The following PUM2 variants were observed in gnomAD, a reference collection of about 807,000 sequenced individuals.
The protein encoded by PUM2 is pumilio homolog 2.
In PUM2, 57 loss-of-function variants were observed where a neutral mutation model predicts 124.5. The observed-to-expected ratio is 0.46, with a 90% CI of 0.37 to 0.57. The LOEUF (loss-of-function observed/expected upper bound fraction) is 0.57. Ranked by LOEUF, PUM2 falls within the 20% of genes least tolerant of loss-of-function variation. The pLI is 0.00. For missense variants in PUM2, 1,065 were observed against 1,290.6 expected (o/e 0.83, Z 2.68); for synonymous variants, 460 against 446.1 (o/e 1.03, Z -0.39).
intron 10 of PUM2, among the ~76,000 whole-genome samples, chr2:20,286,618 G>A (rs929500778): frequency 2.6e-5 from 4 of 151,898 alleles, no homozygotes; most frequent in Non-Finnish European, 5.9e-5. Context: ...AGTAATTTCC[G>A]GGATAATTAT....
Position 20,251,506 on chromosome 2 carries a change from G to C in PUM2, c.*79C>G. 2.1e-6 allele frequency: 3 copies of C among 1,429,648 alleles called. No individual in the cohort carries two copies. Among genetic ancestry groups the C allele is most frequent in the Non-Finnish European group, 2.8e-6 (3 of 1,059,316 alleles). The allele number at this position is 1,429,648 out of a possible 1,614,324, so 88.6% of individuals were successfully genotyped here. On this transcript the variant is annotated 3_prime_UTR_variant, in exon 21 of 21. Transcript: ENST00000361078. ...AAAAAAAAATTGAAGATTCATAGTTGAGTTGTGTTTTGATAATTCACACAC... is the reference window on the plus strand; with the variant it reads ...AAAAAAAAATTGAAGATTCATAGTTCAGTTGTGTTTTGATAATTCACACAC...
At chr2:20,333,129 A>T (rs1685261010) in intron 1 of PUM2, 1 of 152,188 alleles carries the variant, frequency 6.6e-6, no homozygotes, top group African/African-American at 2.4e-5. Context: ...ATATTAGCTA[A>T]TTTTTCAGTA....
intron 1 of PUM2, chr2:20,332,996 C>G (rs1250380446): frequency 6.6e-6 from 1 of 152,106 alleles, no homozygotes; most frequent in Non-Finnish European, 1.5e-5. Flanking sequence ...AGAAACTTTT[C>G]TTTGGCCAAG....
At position 20,317,416 on chromosome 2, in the gene PUM2, G is replaced by A. The variant is rs1038407037; in HGVS notation, c.160+1121C>T. 1.8e-4 allele frequency among the ~76,000 whole-genome samples: 27 copies of A among 152,150 alleles called. No homozygotes were observed. In the East Asian group the frequency reaches 4.8e-3, roughly 27 times the overall value. On this transcript the variant is annotated intron_variant, in intron 3 of 20. Transcript: ENST00000361078. ...ACAGTCTACTTCCTTCCTGGGTGTG[G>A]CAAATATCTAATAAAGCTAGGCTGA...
At chr2:20,300,601 C>T (rs949489025) in intron 7 of PUM2, among the ~76,000 whole-genome samples, 2 of 152,056 alleles carry the variant, frequency 1.3e-5, no homozygotes, top group African/African-American at 2.4e-5. Context: ...TAAAGCCATT[C>T]GTTGAGTCCT....
At chr2:20,312,536 T>C (rs1420947557) in intron 3 of PUM2, 113 bp from the exon 4 acceptor site, 8 of 982,502 alleles carry the variant, frequency 8.1e-6, no homozygotes, top group Non-Finnish European at 1.2e-5. Flanking sequence ...TTTTGAATGT[T>C]ATTACTATAA....
intron 7 of PUM2, among the ~76,000 whole-genome samples, chr2:20,302,464 T>C (rs183413158): frequency 2.2e-4 from 34 of 152,310 alleles, no homozygotes; most frequent in Admixed American, 1.3e-3. Flanking sequence ...TTTTTCTCAT[T>C]AAAAATTTCA....
At chr2:20,340,965 T>C (rs1469706129) in intron 1 of PUM2, among the ~76,000 whole-genome samples, 1 of 152,218 alleles carries the variant, frequency 6.6e-6, no homozygotes, top group African/African-American at 2.4e-5. Flanking sequence ...GCAAGTGCTT[T>C]CTAGAGTATT....
At chr2:20,287,413 T>C (rs374198094) in intron 10 of PUM2, among the ~76,000 whole-genome samples, 2 of 152,132 alleles carry the variant, frequency 1.3e-5, no homozygotes, top group South Asian at 2.1e-4. Context: ...AGAAGGATAG[T>C]TAATCACAAA....
At chr2:20,339,650 C>T (rs944808212) in intron 1 of PUM2, among the ~76,000 whole-genome samples, 1 of 152,114 alleles carries the variant, frequency 6.6e-6, no homozygotes, top group East Asian at 1.9e-4. Context: ...GAGGCCGAGG[C>T]GGGTGGACCA....
chr2:20,291,741 T>C (rs1312185935), intron 9 of PUM2, among the ~76,000 whole-genome samples: 2 of 152,146 alleles, frequency 1.3e-5, no homozygotes, highest in African/African-American at 4.8e-5. Flanking sequence ...ATGTCTTTTA[T>C]TGCCTCACAT....
intron 13 of PUM2, 90 bp from the exon 14 acceptor site, chr2:20,263,550 G>T: frequency 7.1e-7 from 1 of 1,403,144 alleles, no homozygotes; most frequent in Non-Finnish European, 9.7e-7. Flanking sequence ...AGTCAATAAA[G>T]AAATATTTCC....
chr2:20,307,552 G>C (rs1024388006), intron 7 of PUM2, among the ~76,000 whole-genome samples: 1 of 152,126 alleles, frequency 6.6e-6, no homozygotes, highest in Non-Finnish European at 1.5e-5. Context: ...GGAGGTAGTG[G>C]GGAGACCTAG....
chr2:20,340,230 G>A (rs1686968070), intron 1 of PUM2, among the ~76,000 whole-genome samples: 1 of 152,184 alleles, frequency 6.6e-6, no homozygotes, highest in Non-Finnish European at 1.5e-5. Flanking sequence ...AAATACCAAT[G>A]GAGGTGAAAA....
chr2:20,290,820 C>A lies in PUM2; in HGVS notation c.1153-30G>T, dbSNP rs761080680. The A allele has an allele frequency of 2.7e-6, 4 of 1,500,850 alleles. No individual in the cohort carries two copies. The Admixed American group carries it at 7.0e-5, about 26-fold the overall frequency. The allele number at this position is 1,500,850 out of a possible 1,614,324, so 93.0% of individuals were successfully genotyped here. A position where few individuals can be genotyped will look rare whatever the true frequency, so the allele number is the denominator to read the frequency against. On this transcript the variant is annotated intron_variant, in intron 9 of 20. Transcript: ENST00000361078. ...AAAGGTAAAATGATTTTCTTAAAAT[C>A]AATATAAAATAATAGATAAGTAAAT...
chr2:20,342,569 A>AAAT (rs1343623550), intron 1 of PUM2, among the ~76,000 whole-genome samples: 2 of 152,256 alleles, frequency 1.3e-5, no homozygotes, highest in East Asian at 3.8e-4. Context: ...GTGAGGTATG[A>AAAT]AATATATTCA....
intron 10 of PUM2, among the ~76,000 whole-genome samples, chr2:20,288,458 A>G (rs1673226582): frequency 6.6e-6 from 1 of 152,252 alleles, no homozygotes; most frequent in African/African-American, 2.4e-5. Context: ...TATGGGATAG[A>G]GTATAAATTT....
chr2:20,325,172 C>G (rs1174778808), intron 2 of PUM2, among the ~76,000 whole-genome samples: 2 of 152,168 alleles, frequency 1.3e-5, no homozygotes. Context: ...AACCCAGAGA[C>G]AGAAATCTCA....
At chr2:20,260,805 C>T (rs1330342323) in intron 14 of PUM2, among the ~76,000 whole-genome samples, 3 of 151,984 alleles carry the variant, frequency 2.0e-5, no homozygotes, top group African/African-American at 7.3e-5. Flanking sequence ...ACTTTTAGAA[C>T]ATAATAAAGG....
Sources: gnomAD v4.1 joint callset for allele counts (sites outside exome capture counted in the v4.1 genomes callset) on GRCh38, gnomAD v4.1.1 for gene constraint, MANE v1.5 for transcripts, NCBI Gene and HGNC (gene_info 2026-07-23, HGNC 2026-07-21) for gene names.